The following GABRG3 variants were observed in gnomAD, a reference collection of about 807,000 sequenced individuals.
The protein encoded by GABRG3 is gamma-aminobutyric acid receptor subunit gamma-3.
GABRG3 carries 25 observed loss-of-function variants against 48.8 expected under a neutral mutation model. The observed-to-expected ratio is 0.51, with a 90% CI of 0.37 to 0.72. GABRG3 has a LOEUF of 0.72. GABRG3 is among the 30% of genes least tolerant of loss of function. The pLI is 0.00. For missense variants in GABRG3, 394 were observed against 577.9 expected (o/e 0.68, Z 3.26); for synonymous variants, 227 against 217.6 (o/e 1.04, Z -0.38).
chr15:27,090,611 T>G, intron 3 of GABRG3, among the ~76,000 whole-genome samples: 1 of 152,176 alleles, frequency 6.6e-6, no homozygotes, highest in African/African-American at 2.4e-5. Context: ...GTGTTTTTGA[T>G]TTACATTTTA....
chr15:27,532,817 T>C lies in GABRG3; in HGVS notation c.1340T>C (p.Val447Ala). 1 of 1,613,966 alleles carries C rather than the reference T, an allele frequency of 6.2e-7. No individual in the cohort carries two copies. The highest frequency in any genetic ancestry group is 8.5e-7 in the Non-Finnish European group (1 of 1,179,876). The change falls in exon 10 of 10, where the codon GTC (valine) becomes GCC (alanine). Residue 447 changes from valine to alanine, a missense_variant. By Grantham distance (64) the Val-to-Ala change is moderately conservative (BLOSUM62 0). Transcript: ENST00000615808. ...DILELDSYSR[V>A]FFPTSFLLFN... ...TTGGAGCTGGACTCGTACTCCCGGG[T>C]CTTTTTCCCCACGTCCTTCCTGCTC...
chr15:27,062,353 T>G (rs1019389637), intron 3 of GABRG3, among the ~76,000 whole-genome samples: 3 of 150,114 alleles, frequency 2.0e-5, no homozygotes, highest in Non-Finnish European at 4.4e-5. Flanking sequence ...TCCCAGCACT[T>G]CAGGAGGCCG....
intron 3 of GABRG3, among the ~76,000 whole-genome samples, chr15:27,246,209 G>C (rs1196409607): frequency 6.6e-6 from 1 of 152,136 alleles, no homozygotes. Context: ...CCAGGAACCT[G>C]ATGACATGTG....
intron 5 of GABRG3, among the ~76,000 whole-genome samples, chr15:27,361,150 C>T (rs570984973): frequency 2.6e-5 from 4 of 152,242 alleles, no homozygotes; most frequent in African/African-American, 7.2e-5. Context: ...GTATGGGGCA[C>T]GAGAGAGCAG....
intron 5 of GABRG3, among the ~76,000 whole-genome samples, chr15:27,345,143 A>T (rs557749920): frequency 6.6e-6 from 1 of 152,152 alleles, no homozygotes; most frequent in Non-Finnish European, 1.5e-5. Context: ...TAAGATTTTA[A>T]TCTACTGTGA....
At chr15:27,307,893 T>A (rs1024149043) in intron 3 of GABRG3, among the ~76,000 whole-genome samples, 13 of 136,194 alleles carry the variant, frequency 9.5e-5, no homozygotes, top group African/African-American at 3.1e-4. Context: ...ATATATAAAA[T>A]ATATATAAAA....
chr15:27,467,505 T>C (rs776261917), intron 5 of GABRG3, among the ~76,000 whole-genome samples: 4 of 152,244 alleles, frequency 2.6e-5, no homozygotes, highest in Admixed American at 6.5e-5. Flanking sequence ...ATCGTAGTCT[T>C]ACAGCTTGTG....
chr15:27,120,942 G>A (rs372044971), intron 3 of GABRG3, among the ~76,000 whole-genome samples: 47 of 152,212 alleles, frequency 3.1e-4, no homozygotes, highest in African/African-American at 8.9e-4. Flanking sequence ...TTGCTCAAGC[G>A]TATGCCAAAC....
chr15:27,378,016 A>G (rs1485063716), intron 5 of GABRG3, among the ~76,000 whole-genome samples: 1 of 152,112 alleles, frequency 6.6e-6, no homozygotes. Flanking sequence ...ACCATTTAAT[A>G]CACTTTGAAC....
intron 3 of GABRG3, among the ~76,000 whole-genome samples, chr15:27,320,770 G>C (rs1018892430): frequency 6.6e-6 from 1 of 152,116 alleles, no homozygotes; most frequent in African/African-American, 2.4e-5. Context: ...TTTTAGATGT[G>C]ATTTTTGTGA....
intron 3 of GABRG3, among the ~76,000 whole-genome samples, chr15:27,073,485 G>A (rs1219312965): frequency 6.6e-6 from 1 of 152,210 alleles, no homozygotes. Context: ...ATGAAGTGCT[G>A]CCACCAGCTG....
In GABRG3 at chr15:27,409,444, T is replaced by C. The variant is rs143130235; in HGVS notation, c.575-71206T>C. On this transcript the variant is annotated intron_variant, in intron 5 of 9. Transcript: ENST00000615808. ...CTTATGGAGTCTCTGTTCTGTTTCA[T>C]TGATCTGTGTATGTACCCTCCACCA... 8.8e-3 allele frequency among the ~76,000 whole-genome samples: 1,343 copies of C among 152,284 alleles called. 15 individuals carry two copies. Among genetic ancestry groups the C allele is most frequent in the African/African-American group, 0.03 (1,261 of 41,550 alleles).
At position 27,113,285 on chromosome 15, in the gene GABRG3, C is replaced by T. The variant is rs762657948; in HGVS notation, c.270+86464C>T. Among the ~76,000 whole-genome samples, 94 of 151,960 alleles carry T rather than the reference C, an allele frequency of 6.2e-4. 1 individual carries two copies. Among genetic ancestry groups the T allele is most frequent in the African/African-American group, 2.2e-3 (91 of 41,360 alleles). Reference sequence around the variant, plus strand: ...ACATTCTTTCTGTTTCCTCCAAGTTCCCTTTTCTTCCTGTTGTTTTAGTTT... The same window carrying T: ...ACATTCTTTCTGTTTCCTCCAAGTTTCCTTTTCTTCCTGTTGTTTTAGTTT... On this transcript the variant is annotated intron_variant, in intron 3 of 9. Transcript: ENST00000615808.
chr15:27,172,353 T>C lies in GABRG3; in HGVS notation c.270+145532T>C, dbSNP rs138064900. Among the ~76,000 whole-genome samples, 409 of 152,268 alleles carry C rather than the reference T, an allele frequency of 2.7e-3. 2 individuals carry two copies. The highest frequency in any genetic ancestry group is 9.4e-3 in the African/African-American group (391 of 41,552). On this transcript the variant is annotated intron_variant, in intron 3 of 9. Coordinates refer to ENST00000615808, the MANE Select transcript of GABRG3 (RefSeq NM_033223.5). ...CTTAGTTCTTAGTGTGCTTGTCACT[T>C]AGTGGCTTTCTTGGCTCTAGAGTTC...
intron 5 of GABRG3, chr15:27,420,873 A>AC (rs1481011700): frequency 6.6e-6 from 1 of 152,232 alleles, no homozygotes; most frequent in African/African-American, 2.4e-5. Flanking sequence ...ACAAAAGAAG[A>AC]AACAGTTCTG....
chr15:27,193,586 G>A (rs1186808576), intron 3 of GABRG3, among the ~76,000 whole-genome samples: 2 of 152,146 alleles, frequency 1.3e-5, no homozygotes, highest in Non-Finnish European at 2.9e-5. Context: ...TGCAGTATTC[G>A]GGTGGGAGTA....
At chr15:27,406,615 C>T (rs973073442) in intron 5 of GABRG3, among the ~76,000 whole-genome samples, 3 of 152,146 alleles carry the variant, frequency 2.0e-5, no homozygotes, top group African/African-American at 7.2e-5. Context: ...CAAAACCGTC[C>T]AGGTCGTCAA....
At chr15:27,022,655 C>G (rs1895916930) in intron 2 of GABRG3, among the ~76,000 whole-genome samples, 1 of 152,180 alleles carries the variant, frequency 6.6e-6, no homozygotes, top group South Asian at 2.1e-4. Context: ...AGCATCTGCT[C>G]ACCCCTAGTT....
At chr15:27,274,010 G>A (rs1162508253) in intron 3 of GABRG3, among the ~76,000 whole-genome samples, 2 of 152,164 alleles carry the variant, frequency 1.3e-5, no homozygotes, top group Admixed American at 6.5e-5. Flanking sequence ...TTGCGCATGT[G>A]GTTGTTGGTG....
Sources: allele counts gnomAD v4.1 joint callset (sites outside exome capture counted in the v4.1 genomes callset), GRCh38; gene constraint gnomAD v4.1.1; transcripts MANE v1.5; gene names NCBI Gene and HGNC (gene_info 2026-07-23, HGNC 2026-07-21).